PPL: variants seen among roughly 807,000 people sequenced by gnomAD.
PPL encodes periplakin.
In PPL, 198 loss-of-function variants were observed where a neutral mutation model predicts 194.4. The ratio of observed to expected loss-of-function variants is 1.02; its 90% CI spans 0.91 to 1.15. The LOEUF (loss-of-function observed/expected upper bound fraction) is 1.15, where lower values mean the gene tolerates loss of function less well. Among genes scored for constraint, PPL ranks in the 50% most tolerant of loss-of-function variants. The pLI, the probability that PPL is intolerant of heterozygous loss-of-function variation, is 0.00. For synonymous variants in PPL, 1,220 were observed against 972.4 expected (o/e 1.25, Z -4.74); for missense variants, 2,885 against 2,294.8 (o/e 1.26, Z -5.25).
chr16:4,883,775 T>G lies in PPL; in HGVS notation c.4880A>C (p.Lys1627Thr), dbSNP rs755094720. 19 of 1,614,120 alleles carry G rather than the reference T, an allele frequency of 1.2e-5. No individual in the cohort carries two copies. The highest frequency in any genetic ancestry group is 1.6e-5 in the Non-Finnish European group (19 of 1,180,032). The change falls in exon 22 of 22, where the codon AAG (lysine) becomes ACG (threonine). Residue 1627 changes from lysine to threonine, a missense_variant. By Grantham distance (78) the Lys-to-Thr change is moderately conservative. Coordinates refer to ENST00000345988, the MANE Select transcript of PPL (RefSeq NM_002705.5). The surrounding 1 kb of genome is among the most constrained non-coding windows in gnomAD (Gnocchi z 4.8). ...CTCGTCGATCTCGAGGTCTTTGTCC[T>G]TGGAGAGCCTCTTGAGGTCATCCAG... is the stretch of plus-strand genomic sequence containing the variant. ...RELDDLKRLS[K>T]DKDLEIDELQ... is the part of the protein sequence containing the mutation.
chr16:4,899,167 C>G, intron 7 of PPL, 47 bp from the exon 8 acceptor site: 1 of 1,613,650 alleles, frequency 6.2e-7, no homozygotes, highest in South Asian at 1.1e-5. Context: ...GCCTGGCGGT[C>G]CCGTGCTCCT....
chr16:4,936,869 C>A, intron 1 of PPL, 115 bp downstream of exon 1: 1 of 1,088,940 alleles, frequency 9.2e-7, no homozygotes, highest in East Asian at 3.3e-5. Context: ...GGGTTCAGTT[C>A]CCGGTTCCTG....
rs2088209937 is a variant in PPL, at chr16:4,885,860, A to G, written c.2795T>C (p.Val932Ala). The G allele has an allele frequency of 6.2e-7, 1 of 1,608,050 alleles. No homozygotes were observed. Among genetic ancestry groups the G allele is most frequent in the Non-Finnish European group, 8.5e-7 (1 of 1,179,940 alleles). ...CTTCTTGAGCACCTCCTTCCTCACC[A>G]CCGATTCCTGAGGCCCCTGATTCCT... is the stretch of plus-strand genomic sequence containing the variant. The part of the protein sequence containing the change: ...TLRNQGPQES[V>A]VRKEVLKKVP... Residue 932 changes from valine (V) to alanine (A), a missense_variant, in exon 22 of 22, where the codon GTG (valine) becomes GCG (alanine). By Grantham distance (64) the Val-to-Ala change is moderately conservative. Coordinates refer to ENST00000345988, the MANE Select transcript of PPL (RefSeq NM_002705.5). The surrounding 1 kb of genome is among the most constrained non-coding windows in gnomAD (Gnocchi z 6.3).
rs869094472 is a variant in PPL at position 4,889,241 on chromosome 16, GTTTTTTTTTT to G, written c.2314-190_2314-181del. ...AAAAGGCAGTTTTTTTGTTGTTGTT[GTTTTTTTTTT>G]TTTTTTTTTTTTTTTTTTTTTTTGA... is the stretch of plus-strand genomic sequence containing the variant. On this transcript the variant is annotated intron_variant, in intron 18 of 21. Coordinates refer to ENST00000345988, the MANE Select transcript of PPL (RefSeq NM_002705.5). 5.7e-4 allele frequency among the ~76,000 whole-genome samples: 38 copies of G among 66,632 alleles called. 3 individuals are homozygous for G. Among genetic ancestry groups the G allele is most frequent in the East Asian group, 4.8e-4 (1 of 2,100 alleles). The allele number at this position is 66,632 out of a possible 152,430, so 43.7% of individuals were successfully genotyped here. A position where few individuals can be genotyped will look rare whatever the true frequency, so the allele number is the denominator to read the frequency against.
rs534287023 is a variant in PPL at position 4,936,889 on chromosome 16, A to AC, written c.62+94dup. 41 of 1,271,510 alleles carry AC rather than the reference A, an allele frequency of 3.2e-5. No individual in the cohort carries two copies. In the Middle Eastern group the frequency reaches 3.2e-3, roughly 98 times the overall value. The allele number at this position is 1,271,510 out of a possible 1,614,324, so 78.8% of individuals were successfully genotyped here. On this transcript the variant is annotated intron_variant, in intron 1 of 21. Coordinates refer to ENST00000345988, the MANE Select transcript of PPL (RefSeq NM_002705.5). ...CAGTTCCCGGTTCCTGGACCCCCGT[A>AC]CCCCCCATTCCTACACTGCCCGGGA...
At chr16:4,891,188 GTC>G (rs1491061761) in intron 16 of PPL, among the ~76,000 whole-genome samples, 5 of 152,236 alleles carry the variant, frequency 3.3e-5, no homozygotes, top group East Asian at 3.8e-4. Flanking sequence ...GCCTGCCACT[GTC>G]TGGTCATGAG....
chr16:4,892,651 G>A (rs1307250625), intron 14 of PPL: 1 of 169,404 alleles, frequency 5.9e-6, no homozygotes, highest in East Asian at 1.7e-4. Context: ...CTCTCACTCT[G>A]AGGCCCCATC....
chr16:4,900,060 G>A (rs2142362270), intron 6 of PPL, among the ~76,000 whole-genome samples: 1 of 152,234 alleles, frequency 6.6e-6, no homozygotes, highest in South Asian at 2.1e-4. Flanking sequence ...TAAGTAACTC[G>A]CTCAAGGTGT....
intron 1 of PPL, among the ~76,000 whole-genome samples, chr16:4,921,239 C>T (rs552061233): frequency 2.0e-5 from 3 of 152,294 alleles, no homozygotes; most frequent in South Asian, 2.1e-4. Context: ...GGAGGCTGCC[C>T]GGTTCCTCCT....
chr16:4,893,488 G>C, intron 13 of PPL, 53 bp downstream of exon 13: 2 of 1,601,318 alleles, frequency 1.2e-6, no homozygotes, highest in Non-Finnish European at 1.7e-6. Flanking sequence ...CCCTGGTCCA[G>C]CCCCTCCTCC....
chr16:4,928,817 C>G (rs967468551), intron 1 of PPL, among the ~76,000 whole-genome samples: 1 of 151,932 alleles, frequency 6.6e-6, no homozygotes, highest in African/African-American at 2.4e-5. Flanking sequence ...TTGCGACCAG[C>G]CTGGCCAACA....
At position 4,934,411 on chromosome 16, in the gene PPL, G is replaced by A. The variant is rs112473781; in HGVS notation, c.62+2573C>T. 2.6e-3 allele frequency among the ~76,000 whole-genome samples: 392 copies of A among 152,208 alleles called. 4 individuals are homozygous for A. Among genetic ancestry groups the A allele is most frequent in the South Asian group, 7.7e-3 (37 of 4,816 alleles). On this transcript the variant is annotated intron_variant, in intron 1 of 21. Coordinates refer to ENST00000345988, the MANE Select transcript of PPL (RefSeq NM_002705.5). ...CCTGGGTCCCCTGGGCTCGGAAAGG[G>A]CTGCTACCCTCATCCGGGCACCTCC... is the stretch of plus-strand genomic sequence containing the variant.
At position 4,897,726 on chromosome 16, in the gene PPL, G is replaced by A. The variant is rs772474703; in HGVS notation, c.921C>T (p.Asn307=). ...GGTGGCTCTCCTCGCAGATGAGCAG[G>A]TTCAGGTACTCCTTCCAGTCTGCGT... ...AVHADWKEYL[N]LLICEESHLK... is the part of the protein sequence containing the mutation. The change falls in exon 9 of 22, where the codon AAC becomes AAT. Residue 307 remains asparagine (N), a synonymous_variant. Transcript: ENST00000345988. 3.7e-6 allele frequency: 6 copies of A among 1,613,970 alleles called. No homozygotes were observed. The highest frequency in any genetic ancestry group is 4.5e-5 in the East Asian group (2 of 44,882).
chr16:4,906,918 T>C lies in PPL; in HGVS notation c.163-2878A>G, dbSNP rs141894850. On this transcript the variant is annotated intron_variant, in intron 2 of 21. Transcript: ENST00000345988. ...GCGAATGTAGACACTTCTCTAGAGT[T>C]TATATAAGTTATACCTTGATAAAAA... is the stretch of plus-strand genomic sequence containing the variant. Among the ~76,000 whole-genome samples the C allele has an allele frequency of 1.6e-3, 239 of 152,214 alleles. 2 individuals carry two copies. Among genetic ancestry groups the C allele is most frequent in the African/African-American group, 5.2e-3 (216 of 41,534 alleles).
At position 4,884,921 on chromosome 16, in the gene PPL, T is replaced by C. The variant is rs1414725817; in HGVS notation, c.3734A>G (p.Glu1245Gly). 6.2e-7 allele frequency: 1 copy of C among 1,614,162 alleles called. No individual in the cohort carries two copies. Among genetic ancestry groups the C allele is most frequent in the Admixed American group, 1.7e-5 (1 of 60,026 alleles). ...VIKYKTDPEMEKELQRLREEI... is the reference protein window; with the variant it reads ...VIKYKTDPEMGKELQRLREEI... ...CTCCCTGAGCCGCTGAAGCTCCTTC[T>C]CCATCTCAGGGTCAGTCTTGTACTT... The change falls in exon 22 of 22, where the codon GAG (glutamate) becomes GGG (glycine). Residue 1245 changes from glutamate (E) to glycine (G), a missense_variant. Transcript: ENST00000345988. The surrounding 1 kb of genome is among the most constrained non-coding windows in gnomAD (Gnocchi z 5.7).
Position 4,893,359 on chromosome 16 carries a change from G to A in PPL, c.1504C>T (p.Leu502=). The A allele has an allele frequency of 6.2e-7, 1 of 1,607,214 alleles. No individual in the cohort carries two copies. Among genetic ancestry groups the A allele is most frequent in the African/African-American group, 1.3e-5 (1 of 75,028 alleles). ...CCAGCCAGCAGCTGCCGCCCCTGTA[G>A]GTCAGAGGCATCTGTGGAGGGAGGG... ...KTENPGDASD[L]QGRQLLAGLD... Residue 502 remains leucine, a synonymous_variant, in exon 14 of 22, where the codon CTA becomes TTA. Transcript: ENST00000345988.
chr16:4,904,053 CAA>C lies in PPL; in HGVS notation c.163-15_163-14del. 1 of 1,608,902 alleles carries C rather than the reference CAA, an allele frequency of 6.2e-7. No individual in the cohort carries two copies. Among genetic ancestry groups the C allele is most frequent in the Non-Finnish European group, 8.5e-7 (1 of 1,179,140 alleles). ...GCCGAGCCAGGTCCTGTGAGGGTCACAAGAGAGGGGACAATGAACAGGAGCCG... is the reference window on the plus strand; with the variant it reads ...GCCGAGCCAGGTCCTGTGAGGGTCACGAGAGGGGACAATGAACAGGAGCCG... On this transcript the variant is annotated splice_polypyrimidine_tract_variant and intron_variant, in intron 2 of 21. Coordinates refer to ENST00000345988, the MANE Select transcript of PPL (RefSeq NM_002705.5).
intron 8 of PPL, 133 bp from the exon 9 acceptor site, chr16:4,897,903 A>T: frequency 9.0e-6 from 6 of 663,580 alleles, no homozygotes; most frequent in Non-Finnish European, 1.6e-5. Flanking sequence ...TGGCTACCAC[A>T]GGGGTAGCCA....
chr16:4,930,113 C>T (rs990394393), intron 1 of PPL, among the ~76,000 whole-genome samples: 4 of 152,208 alleles, frequency 2.6e-5, no homozygotes, highest in African/African-American at 9.6e-5. Flanking sequence ...GCTTTGCTTG[C>T]TCACTGTCAT....
Sources: allele counts gnomAD v4.1 joint callset (sites outside exome capture counted in the v4.1 genomes callset), GRCh38; gene constraint gnomAD v4.1.1; non-coding constraint Gnocchi (gnomAD v3.1); transcripts MANE v1.5; gene names NCBI Gene and HGNC (gene_info 2026-07-23, HGNC 2026-07-21).